Variants in LINGO2 observed in about 807,000 individuals in gnomAD.
LINGO2 encodes leucine rich repeat and Ig domain containing 2.
A neutral mutation model predicts 30.6 loss-of-function variants in LINGO2; 14 were observed. The observed-to-expected ratio is 0.46, with a 90% CI of 0.30 to 0.72. The LOEUF is 0.72. Ranked by LOEUF, LINGO2 falls within the 30% of genes least tolerant of loss-of-function variation. The pLI is 0.07. For missense variants in LINGO2, 729 were observed against 751.7 expected (o/e 0.97, Z 0.35); for synonymous variants, 317 against 288.5 (o/e 1.10, Z -1.00).
rs574280750 is a variant in LINGO2, at chr9:28,312,709, T to A, written c.-245-17343A>T. Among the ~76,000 whole-genome samples the A allele has an allele frequency of 2.0e-5, 3 of 152,230 alleles. No homozygotes were observed. The South Asian group carries it at 6.2e-4, about 32-fold the overall frequency. ...TGCAATTATTATAATTCTGAGAAAA[T>A]TTTAATAGTTTTATTAGCATATGCC... On this transcript the variant is annotated intron_variant, in intron 3 of 5. Transcript: ENST00000379992.
At chr9:28,059,453 G>C (rs900041717) in intron 4 of LINGO2, among the ~76,000 whole-genome samples, 1 of 151,928 alleles carries the variant, frequency 6.6e-6, no homozygotes, top group Non-Finnish European at 1.5e-5. Flanking sequence ...CTTGGTGTTG[G>C]GTCTGATCAC....
chr9:29,052,882 T>C, the LINGO2 span, among the ~76,000 whole-genome samples: 4 of 152,242 alleles, frequency 2.6e-5, no homozygotes, highest in African/African-American at 7.2e-5. Flanking sequence ...GATGACACCA[T>C]TGAGCAGAAA....
intron 4 of LINGO2, among the ~76,000 whole-genome samples, chr9:28,271,279 T>G (rs1822931540): frequency 6.6e-6 from 1 of 152,124 alleles, no homozygotes; most frequent in Admixed American, 6.5e-5. Flanking sequence ...TTACATATAT[T>G]CACTTATAAA....
intron 1 of LINGO2, among the ~76,000 whole-genome samples, chr9:28,619,696 G>A (rs1344453646): frequency 2.6e-5 from 4 of 152,074 alleles, no homozygotes; most frequent in Non-Finnish European, 5.9e-5. Context: ...AGGTGCCAGT[G>A]TGGCCATGCT....
At position 28,406,208 on chromosome 9, in the gene LINGO2, G is replaced by A. The variant is rs567111401; in HGVS notation, c.-278-33340C>T. 3.9e-5 allele frequency among the ~76,000 whole-genome samples: 6 copies of A among 152,158 alleles called. No individual in the cohort carries two copies. In the East Asian group the frequency reaches 1.2e-3, roughly 29 times the overall value. On this transcript the variant is annotated intron_variant, in intron 2 of 5. Coordinates refer to ENST00000379992, the Ensembl canonical transcript of LINGO2. ...AATCCCAGCACTTAGGGAGGAGGTG[G>A]GCAGATCACTTGAGGTCAGGAGTTC...
chr9:28,995,200 C>G, the LINGO2 span, among the ~76,000 whole-genome samples: 5 of 152,136 alleles, frequency 3.3e-5, no homozygotes, highest in East Asian at 1.9e-4. Flanking sequence ...CCATCAAAAT[C>G]TGGGTGAAGG....
intron 1 of LINGO2, among the ~76,000 whole-genome samples, chr9:28,587,692 A>G (rs1454095743): frequency 1.3e-5 from 2 of 151,874 alleles, no homozygotes; most frequent in Non-Finnish European, 2.9e-5. Context: ...GGGGAGGAAT[A>G]GATGCCACGT....
chr9:27,979,382 G>A (rs999524700), intron 5 of LINGO2, among the ~76,000 whole-genome samples: 2 of 151,984 alleles, frequency 1.3e-5, no homozygotes, highest in Admixed American at 1.3e-4. Flanking sequence ...AAAAGGAAAG[G>A]CCTAGGGTTG....
chr9:28,212,771 T>C (rs950395806), intron 4 of LINGO2, among the ~76,000 whole-genome samples: 10 of 151,420 alleles, frequency 6.6e-5, no homozygotes, highest in Admixed American at 6.0e-4. Context: ...AAAAGCCACA[T>C]GAGGTTAGTA....
At chr9:28,792,510 G>A in the LINGO2 span, among the ~76,000 whole-genome samples, 1 of 151,984 alleles carries the variant, frequency 6.6e-6, no homozygotes, top group Non-Finnish European at 1.5e-5. Context: ...ATGCGAAAGA[G>A]AATGAAGATA....
intron 4 of LINGO2, among the ~76,000 whole-genome samples, chr9:28,190,917 G>A (rs1343002179): frequency 2.6e-5 from 4 of 152,202 alleles, no homozygotes; most frequent in African/African-American, 7.2e-5. Flanking sequence ...CCAGACAGAT[G>A]TCAGCTCTCT....
chr9:28,210,552 G>T (rs897358076), intron 4 of LINGO2, among the ~76,000 whole-genome samples: 2 of 151,622 alleles, frequency 1.3e-5, no homozygotes, highest in African/African-American at 4.8e-5. Flanking sequence ...AGCAAGTTTT[G>T]TAGTTTTTCT....
At chr9:28,838,252 G>A in the LINGO2 span, among the ~76,000 whole-genome samples, 2 of 152,188 alleles carry the variant, frequency 1.3e-5, no homozygotes, top group East Asian at 1.9e-4. Flanking sequence ...CTATTAGGTC[G>A]AACATGAAAG....
chr9:28,776,714 G>A, the LINGO2 span, among the ~76,000 whole-genome samples: 1 of 152,036 alleles, frequency 6.6e-6, no homozygotes, highest in African/African-American at 2.4e-5. Flanking sequence ...CTTTTCAAAG[G>A]TTATTGTAAG....
chr9:28,022,785 TTTCTC>T (rs1416566643), intron 4 of LINGO2, among the ~76,000 whole-genome samples: 1 of 152,030 alleles, frequency 6.6e-6, no homozygotes, highest in African/African-American at 2.4e-5. Context: ...TTTCTTCTGT[TTTCTC>T]TTCTCCTTTC....
intron 1 of LINGO2, among the ~76,000 whole-genome samples, chr9:28,632,564 C>G (rs1283034341): frequency 1.4e-5 from 2 of 145,712 alleles, no homozygotes; most frequent in Non-Finnish European, 3.0e-5. Context: ...TAATATATAT[C>G]TCGATATACT....
chr9:29,187,280 CA>C, the LINGO2 span, among the ~76,000 whole-genome samples: 1 of 152,118 alleles, frequency 6.6e-6, no homozygotes, highest in Non-Finnish European at 1.5e-5. Flanking sequence ...GAGAACTGAG[CA>C]AAAACAATTA....
At chr9:28,162,419 A>C (rs1355354603) in intron 4 of LINGO2, among the ~76,000 whole-genome samples, 1 of 152,114 alleles carries the variant, frequency 6.6e-6, no homozygotes, top group Non-Finnish European at 1.5e-5. Flanking sequence ...GCTTTGATTC[A>C]TCTAGCTTGG....
At chr9:28,383,484 G>A (rs549599555) in intron 2 of LINGO2, among the ~76,000 whole-genome samples, 117 of 152,160 alleles carry the variant, frequency 7.7e-4, no homozygotes, top group Non-Finnish European at 1.1e-3. Flanking sequence ...GGCTACTGGT[G>A]AGGCAGCAGT....
Sources: gnomAD v4.1 joint callset for allele counts (sites outside exome capture counted in the v4.1 genomes callset) on GRCh38, gnomAD v4.1.1 for gene constraint, MANE v1.5 for transcripts, NCBI Gene and HGNC (gene_info 2026-07-23, HGNC 2026-07-21) for gene names.